Variants in LRR1 observed in about 807,000 individuals in gnomAD.
LRR1 encodes the protein leucine rich repeat protein 1, also known as leucine-rich repeat protein 1.
A neutral mutation model predicts 31.6 loss-of-function variants in LRR1; 29 were observed. The observed-to-expected ratio is 0.92, with a 90% CI of 0.68 to 1.25. LRR1 has a LOEUF of 1.25. LRR1 is among the 50% of genes most tolerant of loss of function. The pLI, the probability that LRR1 is intolerant of heterozygous loss-of-function variation, is 0.00. For synonymous variants in LRR1, 179 were observed against 181.4 expected, an observed-to-expected ratio of 0.99 and a Z score of 0.10; for missense variants, 485 against 487.2, an observed-to-expected ratio of 1.00 and a Z score of 0.04.
At chr14:49,606,379 C>T (rs1371848191) in intron 2 of LRR1, among the ~76,000 whole-genome samples, 1 of 152,070 alleles carries the variant, frequency 6.6e-6, no homozygotes, top group Non-Finnish European at 1.5e-5. Flanking sequence ...ACTTGTGTCG[C>T]CCAGGCTGGA....
At chr14:49,612,699 G>C in intron 3 of LRR1, 1 of 926,258 alleles carries the variant, frequency 1.1e-6, no homozygotes, top group Non-Finnish European at 1.3e-6. Flanking sequence ...CTCATTTTAA[G>C]TTGTAAGACT....
In LRR1 at chr14:49,614,469, T is replaced by C. The variant is rs1473315308; in HGVS notation, c.1218T>C (p.Tyr406=). The change falls in exon 4 of 4, where the codon TAT becomes TAC. Residue 406 remains tyrosine (Y), a synonymous_variant. Transcript: ENST00000298288. ...CTTATTTCTGTTCTCTAGGCTGTTA[T>C]GTTAATTCCTCTGATATGTTAAAGT... ...IISYFCSLGC[Y]VNSSDMLK is the part of the protein sequence containing the mutation. 7 of 1,613,788 alleles carry C rather than the reference T, an allele frequency of 4.3e-6. No individual in the cohort carries two copies. Among genetic ancestry groups the C allele is most frequent in the South Asian group, 1.1e-5 (1 of 91,086 alleles).
chr14:49,599,955 C>A lies in LRR1; in HGVS notation c.183+752C>A, dbSNP rs1469856151. ...GAGCCCGGGGCCGGGGCGGGGGCTC[C>A]GGGGGGACCATGCCCGGAGGCCGGC... On this transcript the variant is annotated intron_variant, in intron 1 of 3. Coordinates refer to ENST00000298288, the MANE Select transcript of LRR1 (RefSeq NM_152329.4). The A allele has an allele frequency of 5.2e-6, 8 of 1,524,272 alleles. No individual in the cohort carries two copies. In the East Asian group the frequency reaches 7.1e-5, roughly 14 times the overall value. The allele number at this position is 1,524,272 out of a possible 1,614,324, so 94.4% of individuals were successfully genotyped here.
At chr14:49,612,691 CATTTT>C in intron 3 of LRR1, 10 of 967,312 alleles carry the variant, frequency 1.0e-5, no homozygotes, top group Non-Finnish European at 1.3e-5. Context: ...TTTAAACTCT[CATTTT>C]AAGTTGTAAG....
intron 3 of LRR1, among the ~76,000 whole-genome samples, chr14:49,613,680 G>A (rs901547414): frequency 1.3e-5 from 2 of 150,224 alleles, no homozygotes; most frequent in Non-Finnish European, 3.0e-5. Context: ...TCTGGGCGTG[G>A]TGGTAGGCGC....
At chr14:49,599,713 C>T (rs1167455885) in intron 1 of LRR1, among the ~76,000 whole-genome samples, 8 of 150,462 alleles carry the variant, frequency 5.3e-5, no homozygotes, top group African/African-American at 1.7e-4. Flanking sequence ...GAGGCCGGGA[C>T]GGGGAGAGGG....
At chr14:49,608,229 T>A in intron 3 of LRR1, 108 bp downstream of exon 3, 11 of 1,156,242 alleles carry the variant, frequency 9.5e-6, no homozygotes, top group African/African-American at 1.6e-5. Flanking sequence ...ATGCACAGTC[T>A]GACCCTTTGC....
At position 49,601,815 on chromosome 14, in the gene LRR1, C is replaced by CT. The variant is rs1370613360; in HGVS notation, c.184-554dup. ...GATGAGGAGTATAACTTCCCAACTG[C>CT]TAAAAAAAAAAAAAAAAAAAAAAAC... On this transcript the variant is annotated intron_variant, in intron 1 of 3. Coordinates refer to ENST00000298288, the MANE Select transcript of LRR1 (RefSeq NM_152329.4). 1.5e-4 allele frequency among the ~76,000 whole-genome samples: 14 copies of CT among 96,222 alleles called. No individual in the cohort carries two copies. The Admixed American group carries it at 1.6e-3, about 11-fold the overall frequency. The allele number at this position is 96,222 out of a possible 152,430, so 63.1% of individuals were successfully genotyped here.
chr14:49,611,073 T>A (rs897235324), intron 3 of LRR1, among the ~76,000 whole-genome samples: 1 of 152,200 alleles, frequency 6.6e-6, no homozygotes, highest in Non-Finnish European at 1.5e-5. Flanking sequence ...TGGCTCCCAC[T>A]GAAACCCAGT....
intron 3 of LRR1, chr14:49,612,755 C>T (rs1196442926): frequency 5.5e-6 from 3 of 549,414 alleles, no homozygotes; most frequent in Non-Finnish European, 7.3e-6. Context: ...TATTATGTGC[C>T]AGCCTAAGCT....
rs1011163823 is a variant in LRR1, at chr14:49,600,015, C to G, written c.183+812C>G. ...CATCATGGCTCACGGGCCCGGCGCG[C>G]TGATGCTCAAGTGCGTGGTGGTCGG... On this transcript the variant is annotated intron_variant, in intron 1 of 3. Coordinates refer to ENST00000298288, the MANE Select transcript of LRR1 (RefSeq NM_152329.4). 4 of 1,608,810 alleles carry G rather than the reference C, an allele frequency of 2.5e-6. No homozygotes were observed. The African/African-American group carries it at 5.3e-5, about 22-fold the overall frequency.
At chr14:49,611,268 A>C (rs1232041618) in intron 3 of LRR1, among the ~76,000 whole-genome samples, 1 of 151,046 alleles carries the variant, frequency 6.6e-6, no homozygotes, top group Non-Finnish European at 1.5e-5. Flanking sequence ...CAAGGTCGGG[A>C]GTTCGAGACC....
chr14:49,604,758 C>T (rs1882218829), intron 2 of LRR1, among the ~76,000 whole-genome samples: 2 of 152,120 alleles, frequency 1.3e-5, no homozygotes, highest in South Asian at 2.1e-4. Context: ...GGTGACAGAG[C>T]AAGACCCTTT....
intron 2 of LRR1, among the ~76,000 whole-genome samples, chr14:49,606,241 G>A (rs1882276966): frequency 1.3e-5 from 2 of 152,008 alleles, no homozygotes; most frequent in Admixed American, 6.6e-5. Context: ...TGGCCAAGCT[G>A]GCCTTGAACT....
At chr14:49,603,523 C>CTTCTTTTT (rs1319657896) in intron 2 of LRR1, 32 of 99,098 alleles carry the variant, frequency 3.2e-4, no homozygotes, top group African/African-American at 6.3e-4. Context: ...TCTTCTTCTT[C>CTTCTTTTT]TTTTTTTTTT....
intron 2 of LRR1, among the ~76,000 whole-genome samples, chr14:49,604,401 A>G (rs529501803): frequency 2.5e-4 from 38 of 152,216 alleles, no homozygotes; most frequent in African/African-American, 9.1e-4. Context: ...ACTTAATCCC[A>G]CAAGTTAGAA....
At chr14:49,602,765 T>C (rs548127890) in intron 2 of LRR1, among the ~76,000 whole-genome samples, 2 of 151,976 alleles carry the variant, frequency 1.3e-5, no homozygotes, top group African/African-American at 2.4e-5. Flanking sequence ...TCCCAAAGTG[T>C]TGGGATTATA....
intron 2 of LRR1, among the ~76,000 whole-genome samples, chr14:49,607,020 C>T (rs1201406118): frequency 6.6e-6 from 1 of 151,570 alleles, no homozygotes; most frequent in Non-Finnish European, 1.5e-5. Flanking sequence ...CTTATGATTT[C>T]CCTTTATTTT....
At chr14:49,605,735 A>AT (rs371491775) in intron 2 of LRR1, among the ~76,000 whole-genome samples, 4 of 152,282 alleles carry the variant, frequency 2.6e-5, no homozygotes, top group African/African-American at 9.6e-5. Context: ...GTTTTCTGTC[A>AT]TACCTGCCTT....
Sources: allele counts gnomAD v4.1 joint callset (sites outside exome capture counted in the v4.1 genomes callset), GRCh38; gene constraint gnomAD v4.1.1; transcripts MANE v1.5; gene names NCBI Gene and HGNC (gene_info 2026-07-23, HGNC 2026-07-21).